The following NRXN3 variants were observed in gnomAD, a reference collection of about 807,000 sequenced individuals.
NRXN3 encodes the protein neurexin 3.
In NRXN3, 32 loss-of-function variants were observed where a neutral mutation model predicts 137.6. That is an observed-to-expected ratio of 0.23 (90% CI 0.18 to 0.31). The LOEUF is 0.31. NRXN3 is among the 10% of genes least tolerant of loss of function. The pLI is 1.00. For synonymous variants in NRXN3, 798 were observed against 784.5 expected, an observed-to-expected ratio of 1.02 and a Z score of -0.29; for missense variants, 1,574 against 2,062.5, an observed-to-expected ratio of 0.76 and a Z score of 4.59.
rs536293240 is a variant in NRXN3, at chr14:78,745,065, A to G, written c.2044+29926A>G. 6.6e-5 allele frequency: 10 copies of G among 152,374 alleles called. No homozygotes were observed. In the East Asian group the frequency reaches 1.7e-3, roughly 26 times the overall value. The allele number at this position is 152,374 out of a possible 1,614,324, so 9.4% of individuals were successfully genotyped here. ...CATAATGTCAGTTTACTAATGTAGA[A>G]TAAGAAATAAAATCTCAGAAGACCT... On this transcript the variant is annotated intron_variant, in intron 8 of 20. Transcript: ENST00000335750.
At chr14:79,300,529 G>C (rs1297894903) in intron 15 of NRXN3, among the ~76,000 whole-genome samples, 1 of 152,070 alleles carries the variant, frequency 6.6e-6, no homozygotes, top group Admixed American at 6.6e-5. Flanking sequence ...AGTTGGTTCT[G>C]GTTATTAGGC....
At chr14:79,527,893 A>G (rs2097135988) in intron 16 of NRXN3, among the ~76,000 whole-genome samples, 1 of 147,790 alleles carries the variant, frequency 6.8e-6, no homozygotes, top group Non-Finnish European at 1.5e-5. Context: ...AAAAAAAAGA[A>G]AGAAAAAAGT....
intron 10 of NRXN3, among the ~76,000 whole-genome samples, chr14:78,918,950 GT>G (rs555760034): frequency 2.6e-5 from 4 of 151,968 alleles, no homozygotes; most frequent in Non-Finnish European, 5.9e-5. Context: ...TTTCCTCATC[GT>G]TACGTGAAGC....
At chr14:79,858,488 C>T (rs1028501056) in intron 20 of NRXN3, among the ~76,000 whole-genome samples, 1 of 151,874 alleles carries the variant, frequency 6.6e-6, no homozygotes, top group African/African-American at 2.4e-5. Context: ...AGGGCTTTGC[C>T]TCCTAAGATA....
chr14:78,320,262 CGTT>C (rs767678929), intron 4 of NRXN3, among the ~76,000 whole-genome samples: 30 of 152,098 alleles, frequency 2.0e-4, no homozygotes, highest in Non-Finnish European at 4.1e-4. Context: ...CCGGGATTTT[CGTT>C]GTTATTTTAG....
At chr14:78,995,208 G>A (rs1406871601) in intron 15 of NRXN3, among the ~76,000 whole-genome samples, 1 of 152,126 alleles carries the variant, frequency 6.6e-6, no homozygotes, top group East Asian at 1.9e-4. Flanking sequence ...ATCATATTGT[G>A]GAATTCAGAA....
chr14:78,764,354 A>G (rs1412809936), intron 8 of NRXN3, among the ~76,000 whole-genome samples: 1 of 152,194 alleles, frequency 6.6e-6, no homozygotes, highest in Non-Finnish European at 1.5e-5. Context: ...GAGGAAGTAC[A>G]TTCCTGGCAT....
chr14:78,413,217 G>C (rs2092933136), intron 4 of NRXN3, among the ~76,000 whole-genome samples: 1 of 152,222 alleles, frequency 6.6e-6, no homozygotes, highest in Non-Finnish European at 1.5e-5. Flanking sequence ...AGCTCAGCCT[G>C]ATCCACAGAG....
At chr14:78,805,149 C>T (rs941973062) in intron 9 of NRXN3, among the ~76,000 whole-genome samples, 1 of 151,948 alleles carries the variant, frequency 6.6e-6, no homozygotes, top group Non-Finnish European at 1.5e-5. Context: ...TGAGCAGTGA[C>T]TTCTTTAGTT....
At chr14:79,599,214 C>T (rs1403701432) in intron 16 of NRXN3, among the ~76,000 whole-genome samples, 1 of 152,152 alleles carries the variant, frequency 6.6e-6, no homozygotes, top group African/African-American at 2.4e-5. Context: ...TACAGGTCCC[C>T]TTTATATCTC....
At chr14:78,900,699 A>G (rs2099193164) in intron 10 of NRXN3, among the ~76,000 whole-genome samples, 1 of 151,994 alleles carries the variant, frequency 6.6e-6, no homozygotes, top group Admixed American at 6.6e-5. Context: ...CCTGAGAACT[A>G]AAAATAAAAA....
chr14:78,523,483 C>T (rs1320539134), intron 4 of NRXN3, among the ~76,000 whole-genome samples: 2 of 151,824 alleles, frequency 1.3e-5, no homozygotes, highest in Admixed American at 6.6e-5. Flanking sequence ...ACCACAGTGC[C>T]CAGTAATGGT....
chr14:79,668,326 C>G (rs925941362), intron 17 of NRXN3, among the ~76,000 whole-genome samples: 5 of 152,018 alleles, frequency 3.3e-5, no homozygotes, highest in Non-Finnish European at 7.4e-5. Context: ...TATTGATGAC[C>G]AAAATACCTT....
intron 4 of NRXN3, among the ~76,000 whole-genome samples, chr14:78,439,503 A>G (rs750185877): frequency 2.0e-5 from 3 of 152,200 alleles, no homozygotes; most frequent in Non-Finnish European, 4.4e-5. Flanking sequence ...TTTACAGCCC[A>G]CAAAGAGAAG....
At chr14:78,290,623 A>G (rs4903738) in intron 3 of NRXN3, among the ~76,000 whole-genome samples, 38,054 of 151,972 alleles carry the variant, frequency 0.25, 5,244 homozygotes, top group East Asian at 0.38. Context: ...TGGGCAACAG[A>G]GTGAGACCTT....
chr14:78,993,498 A>G (rs1369068013), intron 15 of NRXN3, among the ~76,000 whole-genome samples: 4 of 152,196 alleles, frequency 2.6e-5, no homozygotes, highest in African/African-American at 7.2e-5. Flanking sequence ...ATTCCCCGCC[A>G]TTGTTTTCAG....
At chr14:79,307,545 G>A (rs1364375751) in intron 15 of NRXN3, among the ~76,000 whole-genome samples, 3 of 151,996 alleles carry the variant, frequency 2.0e-5, no homozygotes, top group African/African-American at 7.2e-5. Flanking sequence ...CTGGGCTCAG[G>A]GTCTCTTATG....
At chr14:79,264,192 G>A (rs1598038990) in intron 15 of NRXN3, among the ~76,000 whole-genome samples, 2 of 152,046 alleles carry the variant, frequency 1.3e-5, no homozygotes, top group South Asian at 2.1e-4. Flanking sequence ...AGGTTCAAGC[G>A]CTTCTCCCAC....
At chr14:79,565,990 G>T (rs1421630686) in intron 16 of NRXN3, among the ~76,000 whole-genome samples, 3 of 152,072 alleles carry the variant, frequency 2.0e-5, no homozygotes, top group African/African-American at 7.2e-5. Flanking sequence ...CCAAAGCTTA[G>T]CATGGATTAT....
Sources: gnomAD v4.1 joint callset for allele counts (sites outside exome capture counted in the v4.1 genomes callset) on GRCh38, gnomAD v4.1.1 for gene constraint, MANE v1.5 for transcripts, NCBI Gene and HGNC (gene_info 2026-07-23, HGNC 2026-07-21) for gene names.